MYO5B: variants seen among roughly 807,000 people sequenced by gnomAD.
MYO5B encodes the protein myosin VB.
MYO5B carries 143 observed loss-of-function variants against 229.3 expected under a neutral mutation model. The observed-to-expected ratio is 0.62, with a 90% confidence interval of 0.54 to 0.72. MYO5B has a LOEUF of 0.72. Among genes scored for constraint, MYO5B ranks in the 30% least tolerant of loss-of-function variants. The pLI is 0.00. For missense variants in MYO5B, 2,321 were observed against 2,331.0 expected (o/e 1.00, Z 0.09); for synonymous variants, 918 against 885.2 (o/e 1.04, Z -0.66).
intron 1 of MYO5B, among the ~76,000 whole-genome samples, chr18:50,177,861 G>A (rs2033018920): frequency 1.3e-5 from 2 of 152,216 alleles, no homozygotes; most frequent in Non-Finnish European, 2.9e-5. Flanking sequence ...CTGGAGCACT[G>A]TCTTCACAGC....
chr18:50,106,883 T>G (rs2031771188), intron 1 of MYO5B, among the ~76,000 whole-genome samples: 1 of 152,154 alleles, frequency 6.6e-6, no homozygotes, highest in South Asian at 2.1e-4. Context: ...TAACTCTATG[T>G]CCCTCCCACC....
Position 50,036,952 on chromosome 18 carries a change from A to T in MYO5B, c.353T>A (p.Ile118Asn), listed in dbSNP as rs983089507. Residue 118 changes from isoleucine to asparagine, a missense_variant, in exon 4 of 40, where the codon ATC becomes AAC. Coordinates refer to ENST00000285039, the MANE Select transcript of MYO5B (RefSeq NM_001080467.3). ...GGTATAGATGACATCTTGTCCATAG[A>T]TTGGCAACTGTTCATAAGGATTAAT... ...VAINPYEQLP[I>N]YGQDVIYTYS... The T allele has an allele frequency of 6.2e-7, 1 of 1,614,164 alleles. No homozygotes were observed. The highest frequency in any genetic ancestry group is 1.1e-5 in the South Asian group (1 of 91,078).
At chr18:50,128,949 C>T (rs1012430057) in intron 1 of MYO5B, among the ~76,000 whole-genome samples, 101 of 152,202 alleles carry the variant, frequency 6.6e-4, no homozygotes, top group African/African-American at 2.4e-3. Flanking sequence ...TTGACAAACC[C>T]GCAGAGGATC....
chr18:49,832,991 G>A (rs575353993), intron 39 of MYO5B, among the ~76,000 whole-genome samples: 2 of 152,246 alleles, frequency 1.3e-5, no homozygotes, highest in African/African-American at 2.4e-5. Context: ...ATGTGAAATG[G>A]CAGGAGGCTC....
At chr18:49,992,790 A>C (rs2025948075) in intron 5 of MYO5B, among the ~76,000 whole-genome samples, 1 of 152,130 alleles carries the variant, frequency 6.6e-6, no homozygotes. Context: ...CCATGAGGAA[A>C]AGGCCTAAAG....
chr18:50,004,408 G>GAAATCACC (rs946407449), intron 4 of MYO5B, among the ~76,000 whole-genome samples: 3 of 152,176 alleles, frequency 2.0e-5, no homozygotes, highest in African/African-American at 7.2e-5. Flanking sequence ...ACAAGTCTTG[G>GAAATCACC]AAATCACCAG....
intron 1 of MYO5B, among the ~76,000 whole-genome samples, chr18:50,103,139 GAGGCCCACTTTGTGGGCAA>G (rs1049037025): frequency 1.3e-5 from 2 of 152,364 alleles, no homozygotes; most frequent in African/African-American, 4.8e-5. Context: ...AACTAGCCAG[GAGGCCCACTTTGTGGGCAA>G]AGCTCTCTGG....
intron 18 of MYO5B, among the ~76,000 whole-genome samples, chr18:49,907,160 TG>T (rs1307091495): frequency 6.6e-6 from 1 of 152,068 alleles, no homozygotes; most frequent in Non-Finnish European, 1.5e-5. Flanking sequence ...GATGGCTAGC[TG>T]GGGGAACTGA....
At chr18:49,866,760 C>T (rs1302291502) in intron 27 of MYO5B, among the ~76,000 whole-genome samples, 1 of 152,224 alleles carries the variant, frequency 6.6e-6, no homozygotes, top group Non-Finnish European at 1.5e-5. Flanking sequence ...CTGCTTAGAA[C>T]CTATCAATTA....
At chr18:50,124,251 G>A (rs1251339576) in intron 1 of MYO5B, among the ~76,000 whole-genome samples, 1 of 152,206 alleles carries the variant, frequency 6.6e-6, no homozygotes, top group Non-Finnish European at 1.5e-5. Flanking sequence ...TATTCTCGAA[G>A]CTTTATAGAC....
At chr18:49,939,775 C>A (rs535295064) in intron 14 of MYO5B, among the ~76,000 whole-genome samples, 1 of 152,194 alleles carries the variant, frequency 6.6e-6, no homozygotes, top group African/African-American at 2.4e-5. Flanking sequence ...CATTTAAACC[C>A]ACAATATCAA....
chr18:49,936,555 G>T (rs1302132529), intron 15 of MYO5B, among the ~76,000 whole-genome samples: 4 of 152,076 alleles, frequency 2.6e-5, no homozygotes, highest in African/African-American at 9.7e-5. Flanking sequence ...TCCTATTTAA[G>T]GGTTCCTTGA....
At chr18:50,186,613 A>T (rs928763866) in intron 1 of MYO5B, among the ~76,000 whole-genome samples, 7 of 152,114 alleles carry the variant, frequency 4.6e-5, no homozygotes, top group Non-Finnish European at 1.0e-4. Flanking sequence ...GGGTTAGGGG[A>T]AAAAACATGC....
intron 29 of MYO5B, among the ~76,000 whole-genome samples, 175 bp from the exon 30 acceptor site, chr18:49,857,065 C>T (rs1665311295): frequency 6.6e-6 from 1 of 152,246 alleles, no homozygotes; most frequent in African/African-American, 2.4e-5. Context: ...CAGCATCTCT[C>T]CCATAAGTCC....
intron 1 of MYO5B, among the ~76,000 whole-genome samples, chr18:50,074,172 A>G (rs113108018): frequency 0.093 from 14,172 of 152,218 alleles, 1,212 homozygotes; most frequent in African/African-American, 0.23. Flanking sequence ...AGAGAAAAAT[A>G]AGGAAGCAAA....
At position 49,992,416 on chromosome 18, in the gene MYO5B, T is replaced by G; in HGVS notation, c.628A>C (p.Lys210Gln). Residue 210 changes from lysine (K) to glutamine (Q), a missense_variant, in exon 6 of 40, where the codon AAG (lysine) becomes CAG (glutamine). This residue lies in a region of MYO5B where 2,113 missense variants were observed against 2,044.7 expected (regional missense o/e 1.03). Transcript: ENST00000285039. ...SPIMEAIGNA[K>Q]TTRNDNSSRF... ...CTGCTGTTGTCATTGCGGGTGGTCTTGGCATTTCCAATGGCCTGCACAGAC... is the reference window on the plus strand; with the variant it reads ...CTGCTGTTGTCATTGCGGGTGGTCTGGGCATTTCCAATGGCCTGCACAGAC... 1 of 1,614,120 alleles carries G rather than the reference T, an allele frequency of 6.2e-7. No homozygotes were observed. The highest frequency in any genetic ancestry group is 8.5e-7 in the Non-Finnish European group (1 of 1,180,014).
At chr18:49,902,010 G>T (rs2024847101) in intron 21 of MYO5B, among the ~76,000 whole-genome samples, 1 of 152,230 alleles carries the variant, frequency 6.6e-6, no homozygotes, top group South Asian at 2.1e-4. Context: ...CCCTGCAAGG[G>T]CAAAACACCA....
intron 1 of MYO5B, among the ~76,000 whole-genome samples, chr18:50,075,237 G>A (rs1472085633): frequency 6.6e-6 from 1 of 152,090 alleles, no homozygotes; most frequent in Non-Finnish European, 1.5e-5. Context: ...GGAGAGAGGG[G>A]TCTCTTGGGA....
chr18:50,089,783 C>T (rs928192076), intron 1 of MYO5B, among the ~76,000 whole-genome samples: 1 of 152,202 alleles, frequency 6.6e-6, no homozygotes, highest in African/African-American at 2.4e-5. Flanking sequence ...CTTTGATACC[C>T]ACCCAACAAG....
Sources: allele counts gnomAD v4.1 joint callset (sites outside exome capture counted in the v4.1 genomes callset), GRCh38; gene constraint gnomAD v4.1.1; regional missense constraint gnomAD v4.1.1; transcripts MANE v1.5; gene names NCBI Gene and HGNC (gene_info 2026-07-23, HGNC 2026-07-21).